PPP2R3A: variants seen among roughly 807,000 people sequenced by gnomAD.
The protein encoded by PPP2R3A is protein phosphatase 2 regulatory subunit B''alpha.
Under a neutral mutation model 106.9 loss-of-function variants are expected in PPP2R3A, and 80 were observed. The observed-to-expected ratio is 0.75, with a 90% CI of 0.62 to 0.90. The LOEUF is 0.90. Ranked by LOEUF, PPP2R3A falls within the 40% of genes least tolerant of loss-of-function variation. The probability of loss-of-function intolerance (pLI) is 0.00; values close to 1 mark genes in which losing one functional copy is unlikely to be tolerated. For missense variants in PPP2R3A, 1,386 were observed against 1,350.4 expected (o/e 1.03, Z -0.41); for synonymous variants, 483 against 468.3 (o/e 1.03, Z -0.41).
chr3:135,967,616 ACTC>A (rs1336753028), intron 1 of PPP2R3A, among the ~76,000 whole-genome samples: 1 of 151,868 alleles, frequency 6.6e-6, no homozygotes, highest in Non-Finnish European at 1.5e-5. Context: ...CTCTTCAGAG[ACTC>A]CTCCTTGCTC....
At chr3:136,073,171 G>T (rs1169239024) in intron 6 of PPP2R3A, among the ~76,000 whole-genome samples, 1 of 152,106 alleles carries the variant, frequency 6.6e-6, no homozygotes, top group Non-Finnish European at 1.5e-5. Context: ...GTTTCACCAT[G>T]TTAGCCAGGA....
At chr3:136,124,034 A>C (rs1054223767) in intron 13 of PPP2R3A, among the ~76,000 whole-genome samples, 3 of 152,262 alleles carry the variant, frequency 2.0e-5, no homozygotes, top group Admixed American at 6.5e-5. Flanking sequence ...ACAATAATAT[A>C]AATATGTTGT....
Position 136,082,328 on chromosome 3 carries a change from C to T in PPP2R3A, c.2695C>T (p.His899Tyr). 6.2e-7 allele frequency: 1 copy of T among 1,605,974 alleles called. No homozygotes were observed. Among genetic ancestry groups the T allele is most frequent in the Non-Finnish European group, 8.5e-7 (1 of 1,172,662 alleles). Residue 899 changes from histidine to tyrosine, a missense_variant, in exon 8 of 14, where the codon CAT becomes TAT. By Grantham distance (83) the His-to-Tyr change is moderately conservative. Coordinates refer to ENST00000264977, the MANE Select transcript of PPP2R3A (RefSeq NM_002718.5). ...NQITDYFSYE[H>Y]FYVIYCKFWE... ...AATTACAGATTACTTCTCCTATGAA[C>T]ATTTCTATGTTATTTATTGTAAATT... is the stretch of plus-strand genomic sequence containing the variant.
At chr3:136,010,408 G>A (rs1396540516) in intron 2 of PPP2R3A, among the ~76,000 whole-genome samples, 1 of 136,384 alleles carries the variant, frequency 7.3e-6, no homozygotes, top group Non-Finnish European at 1.5e-5. Flanking sequence ...ATGCCATCAC[G>A]CTCGGCTAAT....
Position 136,145,047 on chromosome 3 carries a change from G to A in PPP2R3A, c.3334G>A (p.Glu1112Lys), listed in dbSNP as rs1939058564. 1 of 1,610,122 alleles carries A rather than the reference G, an allele frequency of 6.2e-7. No homozygotes were observed. Among genetic ancestry groups the A allele is most frequent in the Non-Finnish European group, 8.5e-7 (1 of 1,178,630 alleles). The change falls in exon 14 of 14, where the codon GAA becomes AAA. Residue 1112 changes from glutamate (E) to lysine (K), a missense_variant. Glu to Lys is a moderately conservative substitution (Grantham distance 56, BLOSUM62 1). Coordinates refer to ENST00000264977, the MANE Select transcript of PPP2R3A (RefSeq NM_002718.5). ...SAQAQFQEGF[E>K]DYETDEPASP... Reference sequence around the variant, plus strand: ...ACTTTTGCTTTGTTATTTCAGCTTTGAAGATTATGAAACAGATGAACCTGC... The same window carrying A: ...ACTTTTGCTTTGTTATTTCAGCTTTAAAGATTATGAAACAGATGAACCTGC...
intron 2 of PPP2R3A, among the ~76,000 whole-genome samples, chr3:136,013,306 C>T (rs898944166): frequency 1.3e-5 from 2 of 152,040 alleles, no homozygotes; most frequent in African/African-American, 4.8e-5. Flanking sequence ...AATTGTGCTG[C>T]TATAAACGTG....
At chr3:136,109,760 A>G (rs1372037738) in intron 13 of PPP2R3A, among the ~76,000 whole-genome samples, 3 of 152,228 alleles carry the variant, frequency 2.0e-5, no homozygotes, top group Non-Finnish European at 4.4e-5. Context: ...TAAGAAATAC[A>G]GAATATCACT....
chr3:135,988,678 C>T (rs1200538924), intron 1 of PPP2R3A, among the ~76,000 whole-genome samples: 1 of 152,130 alleles, frequency 6.6e-6, no homozygotes, highest in African/African-American at 2.4e-5. Context: ...CCTTTTGCTT[C>T]CTTTTCCCCT....
chr3:136,067,131 A>T (rs1936284146), intron 5 of PPP2R3A, among the ~76,000 whole-genome samples: 1 of 152,236 alleles, frequency 6.6e-6, no homozygotes, highest in African/African-American at 2.4e-5. Context: ...TTAAAGAAGT[A>T]AAAGTATCTT....
intron 1 of PPP2R3A, among the ~76,000 whole-genome samples, chr3:136,000,778 G>A (rs181790559): frequency 1.3e-4 from 20 of 152,294 alleles, no homozygotes; most frequent in Admixed American, 6.5e-4. Flanking sequence ...TGAAAATGCC[G>A]TGTAAATCTA....
In PPP2R3A at chr3:136,003,093, C is replaced by T. The variant is rs201059130; in HGVS notation, c.1595C>T (p.Ala532Val). 4.4e-4 allele frequency: 715 copies of T among 1,610,494 alleles called. 1 individual carries two copies. Among genetic ancestry groups the T allele is most frequent in the Non-Finnish European group, 5.8e-4 (679 of 1,179,096 alleles). The change falls in exon 2 of 14, where the codon GCG (alanine) becomes GTG (valine). Residue 532 changes from alanine to valine, a missense_variant. Physicochemically the swap from Ala to Val is moderately conservative, Grantham distance 64. Transcript: ENST00000264977. ...KMETSLREPLAKGKNSNFLNS... is the reference protein window; with the variant it reads ...KMETSLREPLVKGKNSNFLNS... ...GAGACCTCTCTAAGAGAGCCACTTG[C>T]GAAGGGTAAAAACTCTAATTTTTTA... is the stretch of plus-strand genomic sequence containing the variant.
At chr3:135,988,826 A>G (rs1465987925) in intron 1 of PPP2R3A, among the ~76,000 whole-genome samples, 1 of 152,126 alleles carries the variant, frequency 6.6e-6, no homozygotes, top group East Asian at 1.9e-4. Flanking sequence ...TAAAGGATTG[A>G]TTAGATTAAT....
At chr3:136,071,394 G>A (rs1936425348) in intron 6 of PPP2R3A, among the ~76,000 whole-genome samples, 1 of 152,162 alleles carries the variant, frequency 6.6e-6, no homozygotes, top group Non-Finnish European at 1.5e-5. Context: ...CAGTGCTTTT[G>A]CATTGGCTCT....
chr3:135,981,230 G>A (rs1318463598), intron 1 of PPP2R3A, among the ~76,000 whole-genome samples: 1 of 151,794 alleles, frequency 6.6e-6, no homozygotes, highest in South Asian at 2.1e-4. Flanking sequence ...CTTGTTGGCG[G>A]TGTTTCTTGG....
intron 12 of PPP2R3A, among the ~76,000 whole-genome samples, chr3:136,105,793 C>T (rs1937500585): frequency 6.6e-6 from 1 of 152,106 alleles, no homozygotes; most frequent in African/African-American, 2.4e-5. Flanking sequence ...GAAACCCTGT[C>T]TCTACAAAAT....
chr3:136,000,407 A>G (rs1576423526), intron 1 of PPP2R3A, among the ~76,000 whole-genome samples: 1 of 152,206 alleles, frequency 6.6e-6, no homozygotes, highest in Non-Finnish European at 1.5e-5. Context: ...AAAAAGAATG[A>G]TTAAGTAAAT....
chr3:136,106,349 G>A, intron 13 of PPP2R3A, 27 bp downstream of exon 13: 1 of 1,592,408 alleles, frequency 6.3e-7, no homozygotes, highest in Non-Finnish European at 8.6e-7. Context: ...ATGTCTTATA[G>A]AATTTTTAAC....
intron 13 of PPP2R3A, among the ~76,000 whole-genome samples, chr3:136,126,377 C>T (rs1364031619): frequency 2.6e-5 from 4 of 152,230 alleles, no homozygotes; most frequent in Non-Finnish European, 5.9e-5. Context: ...GCTAGCGCAG[C>T]AGTCTGAGAT....
At chr3:136,107,145 TG>T (rs1937532022) in intron 13 of PPP2R3A, among the ~76,000 whole-genome samples, 1 of 152,116 alleles carries the variant, frequency 6.6e-6, no homozygotes, top group East Asian at 1.9e-4. Context: ...CTTTATAATT[TG>T]CTGGTTTTTT....
Sources: allele counts gnomAD v4.1 joint callset (sites outside exome capture counted in the v4.1 genomes callset), GRCh38; gene constraint gnomAD v4.1.1; transcripts MANE v1.5; gene names NCBI Gene and HGNC (gene_info 2026-07-23, HGNC 2026-07-21).